The following COL4A6 variants were observed in gnomAD, a reference collection of about 807,000 sequenced individuals.
COL4A6 encodes the protein collagen type IV alpha 6 chain.
Under a neutral mutation model 126.7 loss-of-function variants are expected in COL4A6, and 59 were observed. The observed-to-expected ratio is 0.47, with a 90% CI of 0.38 to 0.58. The LOEUF (loss-of-function observed/expected upper bound fraction) is 0.58, where lower values mean the gene tolerates loss of function less well. Ranked by LOEUF, COL4A6 falls within the 20% of genes least tolerant of loss-of-function variation. The pLI, the probability that COL4A6 is intolerant of heterozygous loss-of-function variation, is 0.00. For missense variants in COL4A6, 1,285 were observed against 1,337.3 expected (o/e 0.96, Z 0.61); for synonymous variants, 547 against 496.6 (o/e 1.10, Z -1.35).
chrX:108,213,358 T>A (rs970309540), intron 6 of COL4A6, among the ~76,000 whole-genome samples: 1 of 112,502 alleles, frequency 8.9e-6, no homozygotes, highest in Non-Finnish European at 1.9e-5. Flanking sequence ...AAAATCAGCC[T>A]GGAAGGGCAT....
rs1285881380 is a variant in COL4A6 at position 108,359,018 on chromosome X, G to T, written c.64-48190C>A. On this transcript the variant is annotated intron_variant, in intron 2 of 44. Transcript: ENST00000334504. ...ACTAGAGATAAGTAGTTTGAATATG[G>T]TTCAAGACAGAGCTGAATTCCAAAC... is the stretch of plus-strand genomic sequence containing the variant. 2.7e-5 allele frequency among the ~76,000 whole-genome samples: 3 copies of T among 111,816 alleles called. No homozygotes were observed. In the South Asian group the frequency reaches 1.1e-3, roughly 42 times the overall value.
chrX:108,165,150 C>G (rs971170375), intron 38 of COL4A6, 112 bp from the exon 39 acceptor site: 9 of 887,987 alleles, frequency 1.0e-5, no homozygotes, highest in Admixed American at 7.7e-5. Context: ...AGAGAATGTT[C>G]CCTCACCATC....
intron 2 of COL4A6, among the ~76,000 whole-genome samples, chrX:108,370,496 G>A (rs1304181612): frequency 8.9e-6 from 1 of 111,733 alleles, no homozygotes; most frequent in Non-Finnish European, 1.9e-5. Flanking sequence ...GTAGGGATTT[G>A]CTACTGTATA....
In COL4A6 at chrX:108,227,894, T is replaced by C. The variant is rs555903767; in HGVS notation, c.145-6520A>G. Among the ~76,000 whole-genome samples, 8 of 111,639 alleles carry C rather than the reference T, an allele frequency of 7.2e-5. No individual in the cohort carries two copies. In the South Asian group the frequency reaches 1.5e-3, roughly 21 times the overall value. On this transcript the variant is annotated intron_variant, in intron 3 of 44. Transcript: ENST00000334504. The stretch of plus-strand genomic sequence containing the variant: ...CAAGAGGACGGATCCATTCAGATGG[T>C]TGGGGGGACCTTAGAATTTTAACTT...
chrX:108,350,041 CA>C (rs1417141539), intron 2 of COL4A6, among the ~76,000 whole-genome samples: 4 of 111,241 alleles, frequency 3.6e-5, no homozygotes, highest in South Asian at 3.8e-4. Flanking sequence ...AAATCTTCTC[CA>C]AAAAAGACTG....
chrX:108,244,049 C>T (rs1308204450), intron 3 of COL4A6, among the ~76,000 whole-genome samples: 1 of 110,547 alleles, frequency 9.0e-6, no homozygotes, highest in Non-Finnish European at 1.9e-5. Context: ...ACATATGATC[C>T]TTTTTTCTGA....
chrX:108,403,442 C>T (rs867311343), intron 2 of COL4A6, among the ~76,000 whole-genome samples: 1 of 110,668 alleles, frequency 9.0e-6, no homozygotes, highest in Admixed American at 9.7e-5. Context: ...TAAGTATTTG[C>T]ATTCTGTGCT....
intron 2 of COL4A6, among the ~76,000 whole-genome samples, chrX:108,382,961 A>AT (rs1264828502): frequency 3.6e-4 from 28 of 78,429 alleles, no homozygotes; most frequent in African/African-American, 8.7e-4. Context: ...TCCCCCGCCA[A>AT]AAATAATAAT....
At chrX:108,418,329 CT>C (rs781713038) in intron 2 of COL4A6, among the ~76,000 whole-genome samples, 1 of 111,662 alleles carries the variant, frequency 9.0e-6, no homozygotes, top group East Asian at 2.8e-4. Context: ...TGTGGTTGCC[CT>C]GGAAAGTGAA....
intron 3 of COL4A6, among the ~76,000 whole-genome samples, chrX:108,273,142 T>G (rs2037499087): frequency 9.1e-6 from 1 of 110,163 alleles, no homozygotes; most frequent in Admixed American, 9.7e-5. Flanking sequence ...TGTCCAAGTG[T>G]TCTCAACCCC....
chrX:108,335,857 G>A (rs1490815966), intron 2 of COL4A6, among the ~76,000 whole-genome samples: 1 of 110,752 alleles, frequency 9.0e-6, no homozygotes, highest in Non-Finnish European at 1.9e-5. Context: ...TAGCTGACAG[G>A]TATCTAATGC....
chrX:108,404,986 C>T (rs952581273), intron 2 of COL4A6, among the ~76,000 whole-genome samples: 1 of 110,715 alleles, frequency 9.0e-6, no homozygotes, highest in Non-Finnish European at 1.9e-5. Flanking sequence ...ACCTCATCTA[C>T]CCCCCACACA....
intron 3 of COL4A6, among the ~76,000 whole-genome samples, chrX:108,300,366 CTG>C (rs3039370): frequency 0.23 from 22,549 of 97,362 alleles, 2,430 homozygotes; most frequent in East Asian, 0.55. Context: ...CTCTCTCTCT[CTG>C]TGTGTGTGTG....
intron 3 of COL4A6, among the ~76,000 whole-genome samples, chrX:108,240,085 A>C (rs1462459070): frequency 1.8e-5 from 2 of 110,999 alleles, no homozygotes; most frequent in East Asian, 5.7e-4. Flanking sequence ...TCTACTAAAA[A>C]TACAAGAATT....
chrX:108,426,250 C>A (rs2064082708), intron 2 of COL4A6, among the ~76,000 whole-genome samples: 1 of 111,536 alleles, frequency 9.0e-6, no homozygotes. Flanking sequence ...AACATTAATT[C>A]CCTCCGCAAG....
chrX:108,403,106 C>T (rs192749651), intron 2 of COL4A6, among the ~76,000 whole-genome samples: 9 of 110,693 alleles, frequency 8.1e-5, no homozygotes, highest in South Asian at 3.9e-4. Flanking sequence ...CATTCCATTT[C>T]GATCGGTAAG....
At chrX:108,259,504 G>A (rs889624054) in intron 3 of COL4A6, among the ~76,000 whole-genome samples, 2 of 111,461 alleles carry the variant, frequency 1.8e-5, no homozygotes, top group East Asian at 2.8e-4. Flanking sequence ...AGTGTCTTGC[G>A]GGATTCTCTC....
At position 108,174,607 on chromosome X, in the gene COL4A6, C is replaced by T; in HGVS notation, c.2971G>A (p.Ala991Thr). 8.5e-7 allele frequency: 1 copy of T among 1,170,182 alleles called. No individual in the cohort carries two copies. Among genetic ancestry groups the T allele is most frequent in the South Asian group, 2.0e-5 (1 of 50,425 alleles). The change falls in exon 31 of 45, where the codon GCT becomes ACT. Residue 991 changes from alanine (A) to threonine (T), a missense_variant. Physicochemically the swap from Ala to Thr is moderately conservative, Grantham distance 58 (BLOSUM62 0). Transcript: ENST00000334504. ...AGGCCTGGTGGTCCAGGTCGACCAGCCTCTCCTTTGTCACCTGTAAAAGAA... is the reference window on the plus strand; with the variant it reads ...AGGCCTGGTGGTCCAGGTCGACCAGTCTCTCCTTTGTCACCTGTAAAAGAA... The part of the protein sequence containing the change: ...FPGPRGDKGE[A>T]GRPGPPGLPG...
rs2034661516 is a variant in COL4A6 at position 108,180,827 on chromosome X, A to G, written c.2023+70T>C. ...GTGGATCCCCAAATACTACTGGGCTATCCTCTGCTTCCTTTGCCTTATGGC... is the reference window on the plus strand; with the variant it reads ...GTGGATCCCCAAATACTACTGGGCTGTCCTCTGCTTCCTTTGCCTTATGGC... On this transcript the variant is annotated intron_variant, in intron 24 of 44. Coordinates refer to ENST00000334504, the MANE Select transcript of COL4A6 (RefSeq NM_033641.4). The G allele has an allele frequency of 3.8e-6, 4 of 1,047,002 alleles. No individual in the cohort carries two copies. The African/African-American group carries it at 5.6e-5, about 15-fold the overall frequency. 86.3% of individuals were successfully genotyped at this position (1,047,002 alleles called of 1,213,427 possible). A position where few individuals can be genotyped will look rare whatever the true frequency, so the allele number is the denominator to read the frequency against.
Sources: gnomAD v4.1 joint callset for allele counts (sites outside exome capture counted in the v4.1 genomes callset) on GRCh38, gnomAD v4.1.1 for gene constraint, MANE v1.5 for transcripts, NCBI Gene and HGNC (gene_info 2026-07-23, HGNC 2026-07-21) for gene names.